The following POLN variants were observed in gnomAD, a reference collection of about 807,000 sequenced individuals.
POLN encodes the protein DNA polymerase nu, also known as DNA polymerase N.
A neutral mutation model predicts 113.5 loss-of-function variants in POLN; 108 were observed. That is an observed-to-expected ratio of 0.95 (90% CI 0.81 to 1.12). POLN has a LOEUF of 1.12. Among genes scored for constraint, POLN ranks in the 50% most tolerant of loss-of-function variants. POLN has a pLI of 0.00. For synonymous variants in POLN, 386 were observed against 391.5 expected, an observed-to-expected ratio of 0.99 and a Z score of 0.17; for missense variants, 1,097 against 1,077.1, an observed-to-expected ratio of 1.02 and a Z score of -0.26.
At chr4:2,109,964 G>T (rs1414389738) in intron 19 of POLN, among the ~76,000 whole-genome samples, 1 of 151,934 alleles carries the variant, frequency 6.6e-6, no homozygotes, top group Non-Finnish European at 1.5e-5. Flanking sequence ...TATTGTTTTA[G>T]AGGTTGCCTT....
chr4:2,116,447 G>T (rs1455562395), intron 19 of POLN, among the ~76,000 whole-genome samples: 2 of 151,978 alleles, frequency 1.3e-5, no homozygotes, highest in African/African-American at 4.8e-5. Flanking sequence ...TCAGAAAACT[G>T]ATTTTGTAGT....
chr4:2,163,352 A>G (rs1732648707), intron 13 of POLN, among the ~76,000 whole-genome samples: 1 of 152,228 alleles, frequency 6.6e-6, no homozygotes, highest in Non-Finnish European at 1.5e-5. Context: ...TGACTTACTC[A>G]CAAAATAACT....
chr4:2,232,946 C>T (rs1734635234), intron 2 of POLN, among the ~76,000 whole-genome samples: 1 of 152,118 alleles, frequency 6.6e-6, no homozygotes, highest in Non-Finnish European at 1.5e-5. Flanking sequence ...TCATAATTAT[C>T]TGAGGTACTT....
chr4:2,240,589 G>A (rs761554955), intron 2 of POLN: 1 of 1,612,458 alleles, frequency 6.2e-7, no homozygotes, highest in South Asian at 1.1e-5. Flanking sequence ...CATTTATTAC[G>A]TCGCTGAATT....
chr4:2,229,181 G>C lies in POLN; in HGVS notation c.51C>G (p.Leu17=), dbSNP rs766829456. The C allele has an allele frequency of 1.9e-6, 3 of 1,610,758 alleles. No homozygotes were observed. The highest frequency in any genetic ancestry group is 2.5e-6 in the Non-Finnish European group (3 of 1,177,132). ...LVGFDLCNTP[L]SSVAQKIMSA... is the part of the protein sequence containing the mutation. ...ACATAATCTTCTGAGCAACACTGGA[G>C]AGCGGTGTATTACAGAGATCAAAGC... The change falls in exon 3 of 26, where the codon CTC becomes CTG. Residue 17 remains leucine (L), a synonymous_variant. Coordinates refer to ENST00000511885, the MANE Select transcript of POLN (RefSeq NM_181808.4).
At position 2,072,021 on chromosome 4, in the gene POLN, A is replaced by G. The variant is rs961830431; in HGVS notation, c.*93T>C. Reference sequence around the variant, plus strand: ...GGGCCACCCCAGCCCCAAAGGGTTAATGCGTCCTGGGGCGTACAGAGCTGG... The same window carrying G: ...GGGCCACCCCAGCCCCAAAGGGTTAGTGCGTCCTGGGGCGTACAGAGCTGG... On this transcript the variant is annotated 3_prime_UTR_variant, in exon 26 of 26. Transcript: ENST00000511885. 7.1e-7 allele frequency: 1 copy of G among 1,417,720 alleles called. No individual in the cohort carries two copies. The highest frequency in any genetic ancestry group is 1.0e-6 in the Non-Finnish European group (1 of 1,002,450). 87.8% of individuals were successfully genotyped at this position (1,417,720 alleles called of 1,614,324 possible).
At chr4:2,104,355 T>C (rs1730996428) in intron 19 of POLN, among the ~76,000 whole-genome samples, 1 of 152,258 alleles carries the variant, frequency 6.6e-6, no homozygotes, top group Non-Finnish European at 1.5e-5. Context: ...ATGAATATCA[T>C]GTACGAGTTT....
At chr4:2,161,593 C>T (rs867231718) in intron 13 of POLN, among the ~76,000 whole-genome samples, 3 of 152,216 alleles carry the variant, frequency 2.0e-5, no homozygotes, top group Admixed American at 6.5e-5. Context: ...CCCTGATGAG[C>T]GCCGCCCCCT....
intron 16 of POLN, among the ~76,000 whole-genome samples, chr4:2,138,056 C>G (rs534245948): frequency 6.6e-6 from 1 of 152,314 alleles, no homozygotes; most frequent in African/African-American, 2.4e-5. Flanking sequence ...CCAGGTTGGT[C>G]TCCAACTCCT....
At chr4:2,136,465 G>A (rs929982554) in intron 16 of POLN, among the ~76,000 whole-genome samples, 5 of 152,194 alleles carry the variant, frequency 3.3e-5, no homozygotes, top group African/African-American at 1.2e-4. Flanking sequence ...CATGTGGATG[G>A]GGCACATCCC....
chr4:2,186,710 C>T (rs923693413), intron 7 of POLN, among the ~76,000 whole-genome samples: 5 of 152,132 alleles, frequency 3.3e-5, no homozygotes, highest in Non-Finnish European at 5.9e-5. Flanking sequence ...AAGAAATAGA[C>T]GTACATTCAC....
intron 19 of POLN, among the ~76,000 whole-genome samples, chr4:2,121,465 A>ATATATC (rs1246037027): frequency 1.3e-5 from 2 of 149,588 alleles, no homozygotes; most frequent in Non-Finnish European, 3.0e-5. Flanking sequence ...ATATATATAT[A>ATATATC]TCCAGGGAAG....
intron 19 of POLN, among the ~76,000 whole-genome samples, chr4:2,103,515 C>T (rs1473886500): frequency 6.6e-6 from 1 of 152,116 alleles, no homozygotes; most frequent in Non-Finnish European, 1.5e-5. Flanking sequence ...GAAGAGAGAT[C>T]TAAAGGCTCA....
At chr4:2,229,379 C>T in intron 2 of POLN, 136 bp from the exon 3 acceptor site, 2 of 678,686 alleles carry the variant, frequency 2.9e-6, no homozygotes. Flanking sequence ...AGAAAATAGG[C>T]ATCAATCATC....
intron 19 of POLN, among the ~76,000 whole-genome samples, chr4:2,096,141 C>T (rs957725984): frequency 6.6e-6 from 1 of 152,226 alleles, no homozygotes; most frequent in African/African-American, 2.4e-5. Flanking sequence ...GAGGCTGCAG[C>T]AGCTGCTGCC....
intron 24 of POLN, among the ~76,000 whole-genome samples, chr4:2,075,149 C>T (rs967396772): frequency 1.3e-5 from 2 of 152,218 alleles, no homozygotes; most frequent in Non-Finnish European, 2.9e-5. Flanking sequence ...AGGCCTTGGG[C>T]CTCAGACAAA....
At chr4:2,204,699 C>T (rs1733802583) in intron 5 of POLN, among the ~76,000 whole-genome samples, 1 of 152,158 alleles carries the variant, frequency 6.6e-6, no homozygotes. Flanking sequence ...TAACAAAATA[C>T]TAGCTAACCA....
At chr4:2,225,637 A>C (rs1265540093) in intron 3 of POLN, among the ~76,000 whole-genome samples, 1 of 151,986 alleles carries the variant, frequency 6.6e-6, no homozygotes, top group African/African-American at 2.4e-5. Flanking sequence ...AAAAAAACAA[A>C]CACTTTTCCT....
At chr4:2,081,585 C>A (rs1285598791) in intron 22 of POLN, 48 bp downstream of exon 22, 3 of 1,588,006 alleles carry the variant, frequency 1.9e-6, no homozygotes, top group Admixed American at 1.7e-5. Context: ...GCTGCTAAAA[C>A]CCAAGAAGCA....
Sources: allele counts gnomAD v4.1 joint callset (sites outside exome capture counted in the v4.1 genomes callset), GRCh38; gene constraint gnomAD v4.1.1; transcripts MANE v1.5; gene names NCBI Gene and HGNC (gene_info 2026-07-23, HGNC 2026-07-21).